Variants in NR1H4 observed in about 807,000 individuals in gnomAD.
NR1H4 encodes nuclear receptor subfamily 1 group H member 4.
Under a neutral mutation model 58.5 loss-of-function variants are expected in NR1H4, and 23 were observed. That is an observed-to-expected ratio of 0.39 (90% confidence interval 0.28 to 0.56). NR1H4 has a LOEUF of 0.56. NR1H4 is among the 20% of genes least tolerant of loss of function. NR1H4 has a pLI of 0.58. For missense variants in NR1H4, 487 were observed against 576.9 expected, an observed-to-expected ratio of 0.84 and a Z score of 1.60; for synonymous variants, 214 against 198.0, an observed-to-expected ratio of 1.08 and a Z score of -0.68.
intron 3 of NR1H4, among the ~76,000 whole-genome samples, chr12:100,497,322 G>T (rs907610030): frequency 6.6e-6 from 1 of 152,160 alleles, no homozygotes; most frequent in South Asian, 2.1e-4. Context: ...GCATAGGAAC[G>T]TGCGGCATGC....
chr12:100,535,029 A>G lies in NR1H4; in HGVS notation c.732+6A>G, dbSNP rs183902004. On this transcript the variant is annotated splice_donor_region_variant and intron_variant, in intron 6 of 10. Transcript: ENST00000392986. The stretch of plus-strand genomic sequence containing the variant: ...CGACAACAAAGTCATGCAGGGTAAT[A>G]ATATGCAATGGTGTCTGCCAAGACT... The G allele has an allele frequency of 5.3e-4, 862 of 1,614,174 alleles. 1 individual carries two copies. The highest frequency in any genetic ancestry group is 1.4e-3 in the East Asian group (63 of 44,878).
Position 100,493,255 on chromosome 12 carries a change from T to A in NR1H4, c.-54-15T>A. 1 of 790,290 alleles carries A rather than the reference T, an allele frequency of 1.3e-6. No individual in the cohort carries two copies. The highest frequency in any genetic ancestry group is 2.2e-6 in the Non-Finnish European group (1 of 451,226). The allele number at this position is 790,290 out of a possible 1,614,324, so 49.0% of individuals were successfully genotyped here. On this transcript the variant is annotated splice_polypyrimidine_tract_variant and intron_variant, in intron 2 of 10. Coordinates refer to ENST00000392986, the MANE Select transcript of NR1H4 (RefSeq NM_001206979.2). ...CCGCATTCCCACAGTCACAAACTAT[T>A]TATTTTCCTTTCAGGAGTTTTTTTT...
intron 3 of NR1H4, among the ~76,000 whole-genome samples, chr12:100,494,311 G>A (rs958064967): frequency 5.9e-5 from 9 of 151,840 alleles, no homozygotes; most frequent in Non-Finnish European, 1.0e-4. Flanking sequence ...AGTTGATTAG[G>A]CCATTTCCAA....
At chr12:100,487,595 C>CTTTTTTTTTTTTTT (rs34694873) in intron 1 of NR1H4, among the ~76,000 whole-genome samples, 1 of 115,984 alleles carries the variant, frequency 8.6e-6, no homozygotes, top group Non-Finnish European at 1.7e-5. Context: ...TCTTCTTCTT[C>CTTTTTTTTTTTTTT]TTTTTTTTTT....
intron 4 of NR1H4, among the ~76,000 whole-genome samples, chr12:100,531,566 A>C (rs1954693736): frequency 6.6e-6 from 1 of 152,244 alleles, no homozygotes; most frequent in African/African-American, 2.4e-5. Flanking sequence ...TGCACAAACC[A>C]GCTTACAGAA....
intron 9 of NR1H4, among the ~76,000 whole-genome samples, chr12:100,558,427 C>G (rs1446421420): frequency 4.6e-5 from 7 of 150,852 alleles, no homozygotes; most frequent in Admixed American, 3.3e-4. Context: ...AGCACAATCA[C>G]AGCTTACTGC....
intron 8 of NR1H4, among the ~76,000 whole-genome samples, chr12:100,540,022 G>A (rs1954900581): frequency 6.6e-6 from 1 of 152,152 alleles, no homozygotes; most frequent in Non-Finnish European, 1.5e-5. Context: ...AGAGTAGAGG[G>A]AATGAGGAGT....
At chr12:100,558,943 C>T (rs541351723) in intron 9 of NR1H4, among the ~76,000 whole-genome samples, 2 of 152,240 alleles carry the variant, frequency 1.3e-5, no homozygotes, top group Middle Eastern at 3.4e-3. Context: ...ATCTACCTCA[C>T]GGGGTTTAGA....
At chr12:100,476,871 A>G (rs1215396333) in intron 1 of NR1H4, among the ~76,000 whole-genome samples, 2 of 152,182 alleles carry the variant, frequency 1.3e-5, no homozygotes, top group Non-Finnish European at 2.9e-5. Context: ...TGGGTAACAT[A>G]GAGAGACACC....
rs138001785 is a variant in NR1H4 at position 100,548,788 on chromosome 12, A to G, written c.1078+7970A>G. Among the ~76,000 whole-genome samples, 448 of 152,264 alleles carry G rather than the reference A, an allele frequency of 2.9e-3. 6 individuals are homozygous for G. The highest frequency in any genetic ancestry group is 1.0e-2 in the African/African-American group (414 of 41,556). ...AATATATTTGAAAAGAATTAATCAC[A>G]ATAGATTTCATGCATAATTTAAGTT... On this transcript the variant is annotated intron_variant, in intron 9 of 10. Coordinates refer to ENST00000392986, the MANE Select transcript of NR1H4 (RefSeq NM_001206979.2).
intron 4 of NR1H4, among the ~76,000 whole-genome samples, chr12:100,512,099 G>A (rs1418995668): frequency 6.6e-6 from 1 of 151,916 alleles, no homozygotes; most frequent in Non-Finnish European, 1.5e-5. Flanking sequence ...CAGGTGTGGT[G>A]GAGCACGCAT....
intron 9 of NR1H4, among the ~76,000 whole-genome samples, chr12:100,556,471 G>A (rs35737): frequency 0.53 from 74,229 of 139,724 alleles, 20,182 homozygotes; most frequent in Non-Finnish European, 0.62. Flanking sequence ...CCGTCTCAAA[G>A]AAAAAAAAAA....
rs1181247955 is a variant in NR1H4 at position 100,564,331 on chromosome 12, CA to C, written c.*843del. The C allele has an allele frequency of 6.6e-6, 1 of 152,192 alleles. No homozygotes were observed. The highest frequency in any genetic ancestry group is 1.5e-5 in the Non-Finnish European group (1 of 68,050). 9.4% of individuals were successfully genotyped at this position (152,192 alleles called of 1,614,324 possible). A position where few individuals can be genotyped will look rare whatever the true frequency, so the allele number is the denominator to read the frequency against. ...ACTTCCCCCAAAGCAGGAATTAGTTCATTTCCTTCCTTCATTGTTACACTGT... is the reference window on the plus strand; with the variant it reads ...ACTTCCCCCAAAGCAGGAATTAGTTCTTTCCTTCCTTCATTGTTACACTGT... On this transcript the variant is annotated 3_prime_UTR_variant, in exon 11 of 11. Coordinates refer to ENST00000392986, the MANE Select transcript of NR1H4 (RefSeq NM_001206979.2).
At chr12:100,554,218 T>C (rs1955271085) in intron 9 of NR1H4, among the ~76,000 whole-genome samples, 1 of 152,248 alleles carries the variant, frequency 6.6e-6, no homozygotes, top group South Asian at 2.1e-4. Flanking sequence ...CCTTGACCTC[T>C]GTGCTATGGA....
At chr12:100,479,319 T>A (rs1953332052) in intron 1 of NR1H4, among the ~76,000 whole-genome samples, 1 of 152,228 alleles carries the variant, frequency 6.6e-6, no homozygotes, top group Admixed American at 6.5e-5. Context: ...TTTCTCCCAA[T>A]AATTTTATAA....
intron 1 of NR1H4, among the ~76,000 whole-genome samples, chr12:100,488,979 A>G (rs1240403303): frequency 6.6e-6 from 1 of 152,190 alleles, no homozygotes; most frequent in East Asian, 1.9e-4. Flanking sequence ...GGAGGATTTG[A>G]AGGAAAAAAG....
intron 3 of NR1H4, chr12:100,499,986 A>G (rs1327026161): frequency 2.2e-6 from 1 of 455,772 alleles, no homozygotes; most frequent in Non-Finnish European, 4.4e-6. Context: ...CAAGTACTCT[A>G]TTTGCCACTA....
At position 100,536,892 on chromosome 12, in the gene NR1H4, T is replaced by C. The variant is rs933626522; in HGVS notation, c.832-56T>C. On this transcript the variant is annotated intron_variant, in intron 7 of 10. Coordinates refer to ENST00000392986, the MANE Select transcript of NR1H4 (RefSeq NM_001206979.2). ...TAGTTTTTCTTTAGTCTAATGGTTT[T>C]ATATTATCATTTTCTTATCTACTTT... 7 of 1,051,494 alleles carry C rather than the reference T, an allele frequency of 6.7e-6. No homozygotes were observed. In the South Asian group the frequency reaches 9.9e-5, roughly 15 times the overall value. The allele number at this position is 1,051,494 out of a possible 1,614,324, so 65.1% of individuals were successfully genotyped here. A position where few individuals can be genotyped will look rare whatever the true frequency, so the allele number is the denominator to read the frequency against.
intron 4 of NR1H4, 136 bp from the exon 5 acceptor site, chr12:100,532,322 C>T: frequency 1.4e-6 from 1 of 717,978 alleles, no homozygotes; most frequent in Admixed American, 2.2e-5. Flanking sequence ...GTATTTGTCA[C>T]TGGTGTGCTC....
Sources: gnomAD v4.1 joint callset for allele counts (sites outside exome capture counted in the v4.1 genomes callset) on GRCh38, gnomAD v4.1.1 for gene constraint, MANE v1.5 for transcripts, NCBI Gene and HGNC (gene_info 2026-07-23, HGNC 2026-07-21) for gene names.